The following SPAG16 variants were observed in gnomAD, a reference collection of about 807,000 sequenced individuals.
The protein encoded by SPAG16 is sperm associated antigen 16, also known as sperm-associated antigen 16 protein.
In SPAG16, 86 loss-of-function variants were observed where a neutral mutation model predicts 80.4. The ratio of observed to expected loss-of-function variants is 1.07; its 90% CI spans 0.90 to 1.28. The LOEUF (loss-of-function observed/expected upper bound fraction) is 1.28, where lower values mean the gene tolerates loss of function less well. SPAG16 is among the 50% of genes most tolerant of loss of function. The pLI is 0.00. For missense variants in SPAG16, 870 were observed against 765.3 expected (o/e 1.14, Z -1.61); for synonymous variants, 294 against 265.9 (o/e 1.11, Z -1.03).
intron 15 of SPAG16, among the ~76,000 whole-genome samples, chr2:214,320,419 A>G (rs1696013574): frequency 6.6e-6 from 1 of 152,174 alleles, no homozygotes. Context: ...CTGTTTGTCT[A>G]CATTCCTCCT....
intron 15 of SPAG16, among the ~76,000 whole-genome samples, chr2:214,172,079 A>G (rs2056888488): frequency 6.6e-6 from 1 of 151,462 alleles, no homozygotes; most frequent in Admixed American, 6.6e-5. Context: ...TATCCTGCAT[A>G]CTTTGTTTTT....
At chr2:214,203,602 G>A (rs1366571394) in intron 15 of SPAG16, among the ~76,000 whole-genome samples, 2 of 152,156 alleles carry the variant, frequency 1.3e-5, no homozygotes, top group Non-Finnish European at 2.9e-5. Context: ...CTTACCTGGA[G>A]CTGAGACAAA....
chr2:213,538,090 T>TA (rs1307729546), intron 10 of SPAG16, among the ~76,000 whole-genome samples: 1 of 152,218 alleles, frequency 6.6e-6, no homozygotes, highest in African/African-American at 2.4e-5. Context: ...AAGCAATACA[T>TA]AATTCCAAGC....
intron 11 of SPAG16, among the ~76,000 whole-genome samples, chr2:213,866,361 T>C (rs191542167): frequency 6.6e-6 from 1 of 152,068 alleles, no homozygotes; most frequent in African/African-American, 2.4e-5. Context: ...CAGTTGTATG[T>C]TTAAAAAGAG....
chr2:213,338,080 G>A (rs957575751), intron 5 of SPAG16, among the ~76,000 whole-genome samples: 32 of 152,228 alleles, frequency 2.1e-4, no homozygotes, highest in Middle Eastern at 3.4e-3. Flanking sequence ...ACTCTTAAAA[G>A]AATTTCCAAC....
At chr2:213,415,136 A>G (rs1338229880) in intron 9 of SPAG16, among the ~76,000 whole-genome samples, 2 of 152,254 alleles carry the variant, frequency 1.3e-5, no homozygotes, top group African/African-American at 4.8e-5. Flanking sequence ...AAACCATATC[A>G]GGCAGCCAAG....
chr2:213,595,185 G>T (rs961181185), intron 10 of SPAG16, among the ~76,000 whole-genome samples: 8 of 152,136 alleles, frequency 5.3e-5, no homozygotes, highest in Admixed American at 4.6e-4. Context: ...ATGATAGGCT[G>T]CTATTCCATC....
chr2:214,143,756 C>G (rs2055490977), intron 14 of SPAG16, among the ~76,000 whole-genome samples: 1 of 152,136 alleles, frequency 6.6e-6, no homozygotes, highest in Admixed American at 6.6e-5. Flanking sequence ...TTCAGTGTTA[C>G]AGAAAGAGCT....
At chr2:213,872,253 A>T (rs879710156) in intron 11 of SPAG16, among the ~76,000 whole-genome samples, 3 of 152,158 alleles carry the variant, frequency 2.0e-5, no homozygotes, top group African/African-American at 7.2e-5. Flanking sequence ...AGAGAGAACC[A>T]GCTCTTATAA....
At chr2:214,204,221 C>T (rs907446078) in intron 15 of SPAG16, among the ~76,000 whole-genome samples, 2 of 152,212 alleles carry the variant, frequency 1.3e-5, no homozygotes, top group African/African-American at 4.8e-5. Context: ...CCTGCCCTCA[C>T]CTGATGGTCT....
At chr2:213,763,725 G>A (rs2068783075) in intron 10 of SPAG16, among the ~76,000 whole-genome samples, 1 of 152,158 alleles carries the variant, frequency 6.6e-6, no homozygotes, top group Admixed American at 6.5e-5. Context: ...AATATCAGCT[G>A]TGATGCAATA....
intron 10 of SPAG16, among the ~76,000 whole-genome samples, chr2:213,705,607 A>C (rs1236017847): frequency 7.2e-6 from 1 of 138,376 alleles, no homozygotes; most frequent in Non-Finnish European, 1.7e-5. Context: ...TTATTAAGAA[A>C]ATTTTTTTAG....
At chr2:213,575,482 A>T (rs182447944) in intron 10 of SPAG16, among the ~76,000 whole-genome samples, 1 of 152,050 alleles carries the variant, frequency 6.6e-6, no homozygotes, top group Non-Finnish European at 1.5e-5. Context: ...TAATTAATCA[A>T]ATGTTAAGTC....
At chr2:214,044,024 T>C (rs2049177215) in intron 13 of SPAG16, among the ~76,000 whole-genome samples, 1 of 152,108 alleles carries the variant, frequency 6.6e-6, no homozygotes, top group East Asian at 1.9e-4. Context: ...TAATTTTATA[T>C]AGAGTAAGAA....
chr2:213,987,872 T>C (rs1353501552), intron 12 of SPAG16, among the ~76,000 whole-genome samples: 3 of 147,322 alleles, frequency 2.0e-5, no homozygotes, highest in Non-Finnish European at 4.5e-5. Context: ...ATAAAAATAA[T>C]AGTGTAAATA....
At chr2:214,118,161 A>G (rs1461978321) in intron 14 of SPAG16, among the ~76,000 whole-genome samples, 1 of 152,238 alleles carries the variant, frequency 6.6e-6, no homozygotes, top group Non-Finnish European at 1.5e-5. Context: ...TGGAGTACAC[A>G]AAATCAATAA....
In SPAG16 at chr2:214,294,214, G is replaced by C. The variant is rs140955802; in HGVS notation, c.1721-115926G>C. Among the ~76,000 whole-genome samples the C allele has an allele frequency of 4.1e-3, 631 of 152,294 alleles. 1 individual carries two copies. Among genetic ancestry groups the C allele is most frequent in the Non-Finnish European group, 6.4e-3 (434 of 68,026 alleles). ...CCTATGTTAGTTTCTAGGCTCGTGG[G>C]TGCCGAGGGGCTTGCTCTTGGCTAA... On this transcript the variant is annotated intron_variant, in intron 15 of 15. Coordinates refer to ENST00000331683, the MANE Select transcript of SPAG16 (RefSeq NM_024532.5).
At chr2:213,840,451 T>A (rs2074308237) in intron 10 of SPAG16, among the ~76,000 whole-genome samples, 1 of 152,286 alleles carries the variant, frequency 6.6e-6, no homozygotes, top group African/African-American at 2.4e-5. Flanking sequence ...ATAGAAATCA[T>A]TTAAAAAGCA....
intron 12 of SPAG16, among the ~76,000 whole-genome samples, chr2:213,991,019 T>G (rs960978136): frequency 2.0e-5 from 3 of 152,058 alleles, no homozygotes; most frequent in African/African-American, 4.8e-5. Flanking sequence ...TTTTTTATTA[T>G]TATACTTTAA....
Sources: gnomAD v4.1 joint callset for allele counts (sites outside exome capture counted in the v4.1 genomes callset) on GRCh38, gnomAD v4.1.1 for gene constraint, MANE v1.5 for transcripts, NCBI Gene and HGNC (gene_info 2026-07-23, HGNC 2026-07-21) for gene names.